ARCN1: variants seen among roughly 807,000 people sequenced by gnomAD.
The protein encoded by ARCN1 is coatomer subunit delta.
A neutral mutation model predicts 60.4 loss-of-function variants in ARCN1; 5 were observed. The ratio of observed to expected loss-of-function variants is 0.08; its 90% CI spans 0.04 to 0.17. ARCN1 has a LOEUF of 0.17. Among genes scored for constraint, ARCN1 ranks in the 10% least tolerant of loss-of-function variants. ARCN1 has a pLI of 1.00. For missense variants in ARCN1, 464 were observed against 626.5 expected (o/e 0.74, Z 2.77); for synonymous variants, 224 against 220.0 (o/e 1.02, Z -0.16).
chr11:118,594,847 GC>G (rs1555076912), intron 8 of ARCN1, among the ~76,000 whole-genome samples: 1 of 151,892 alleles, frequency 6.6e-6, no homozygotes, highest in Non-Finnish European at 1.5e-5. Context: ...ACCGCACCTG[GC>G]TATTTTTATT....
chr11:118,593,819 G>A (rs1199133507), intron 8 of ARCN1, 121 bp downstream of exon 8: 7 of 568,008 alleles, frequency 1.2e-5, no homozygotes, highest in Non-Finnish European at 2.2e-5. Flanking sequence ...TAAAAAGCTA[G>A]TTGTGAAAGA....
In ARCN1 at chr11:118,602,978, G is replaced by A. The variant is rs113566145; in HGVS notation, c.*2264G>A. The A allele has an allele frequency of 2.0e-5, 3 of 153,658 alleles. No individual in the cohort carries two copies. The highest frequency in any genetic ancestry group is 4.4e-5 in the Non-Finnish European group (3 of 68,022). 9.5% of individuals were successfully genotyped at this position (153,658 alleles called of 1,614,324 possible). A position where few individuals can be genotyped will look rare whatever the true frequency, so the allele number is the denominator to read the frequency against. ...CTTTGGTGTCTGCTTGTTGATTCAGGATGCTGTAATGGGACCTAACATTAA... is the reference window on the plus strand; with the variant it reads ...CTTTGGTGTCTGCTTGTTGATTCAGAATGCTGTAATGGGACCTAACATTAA... On this transcript the variant is annotated 3_prime_UTR_variant, in exon 10 of 10. Coordinates refer to ENST00000264028, the MANE Select transcript of ARCN1 (RefSeq NM_001655.5).
intron 5 of ARCN1, among the ~76,000 whole-genome samples, chr11:118,584,865 A>G (rs533648792): frequency 1.1e-4 from 16 of 152,066 alleles, no homozygotes; most frequent in African/African-American, 3.6e-4. Flanking sequence ...TCACTCTGTC[A>G]CCCAGGCTGG....
intron 8 of ARCN1, chr11:118,594,066 T>C (rs2135553084): frequency 6.3e-6 from 1 of 157,860 alleles, no homozygotes; most frequent in South Asian, 1.9e-4. Flanking sequence ...AAGGCTGACA[T>C]GTAAGTTATG....
chr11:118,581,142 A>G, intron 1 of ARCN1, 104 bp from the exon 2 acceptor site: 4 of 1,420,072 alleles, frequency 2.8e-6, no homozygotes, highest in Non-Finnish European at 3.9e-6. Context: ...ACTACTAGTC[A>G]TGTCACTAAA....
Sources: allele counts gnomAD v4.1 joint callset (sites outside exome capture counted in the v4.1 genomes callset), GRCh38; gene constraint gnomAD v4.1.1; transcripts MANE v1.5; gene names NCBI Gene and HGNC (gene_info 2026-07-23, HGNC 2026-07-21).